GPR143: variants seen among roughly 807,000 people sequenced by gnomAD.
GPR143 encodes the protein G-protein coupled receptor 143.
A neutral mutation model predicts 27.6 loss-of-function variants in GPR143; 8 were observed. The ratio of observed to expected loss-of-function variants is 0.29; its 90% CI spans 0.17 to 0.52. GPR143 has a LOEUF of 0.52. Ranked by LOEUF, GPR143 falls within the 20% of genes least tolerant of loss-of-function variation. The probability of loss-of-function intolerance (pLI) is 0.96; values close to 1 mark genes in which losing one functional copy is unlikely to be tolerated. For synonymous variants in GPR143, 156 were observed against 153.2 expected (o/e 1.02, Z -0.13); for missense variants, 303 against 343.1 (o/e 0.88, Z 0.92).
chrX:9,753,948 C>G (rs907817285), intron 3 of GPR143, among the ~76,000 whole-genome samples: 2 of 111,743 alleles, frequency 1.8e-5, no homozygotes, highest in African/African-American at 6.5e-5. Flanking sequence ...CCATACACCC[C>G]ACCCCGTTTC....
At chrX:9,765,047 A>G in intron 1 of GPR143, among the ~76,000 whole-genome samples, 1 of 106,999 alleles carries the variant, frequency 9.3e-6, no homozygotes, top group Non-Finnish European at 1.9e-5. Flanking sequence ...AAAATTACCT[A>G]GTTGTCCCAT....
rs749479046 is a variant in GPR143, at chrX:9,741,246, G to A, written c.885+92C>T. 7 of 464,972 alleles carry A rather than the reference G, an allele frequency of 1.5e-5. No homozygotes were observed. In the South Asian group the frequency reaches 1.6e-4, roughly 11 times the overall value. The allele number at this position is 464,972 out of a possible 1,213,427, so 38.3% of individuals were successfully genotyped here. On this transcript the variant is annotated intron_variant, in intron 7 of 8. Transcript: ENST00000467482. ...TGCAGTGAGCTATGATCATGCCACC[G>A]CTTTCCAGCCTGGGTGACAGAGTGA...
intron 1 of GPR143, among the ~76,000 whole-genome samples, chrX:9,776,499 C>CTG (rs751346639): frequency 2.7e-5 from 3 of 109,761 alleles, no homozygotes; most frequent in Non-Finnish European, 5.7e-5. Flanking sequence ...CATCCTCCTG[C>CTG]CCCAGCCTCC....
intron 3 of GPR143, among the ~76,000 whole-genome samples, chrX:9,757,905 T>C (rs1445716571): frequency 9.1e-6 from 1 of 110,441 alleles, no homozygotes; most frequent in Non-Finnish European, 1.9e-5. Context: ...GGGACCACCG[T>C]TGCACCCCAC....
intron 1 of GPR143, among the ~76,000 whole-genome samples, chrX:9,774,476 A>T (rs1211371114): frequency 8.9e-6 from 1 of 112,565 alleles, no homozygotes; most frequent in African/African-American, 3.2e-5. Flanking sequence ...CAGCCAGTCC[A>T]GCCTGCCCCT....
Position 9,777,550 on chromosome X carries a change from C to T in GPR143, c.-3+8692G>A, listed in dbSNP as rs138213429. Among the ~76,000 whole-genome samples the T allele has an allele frequency of 5.0e-3, 553 of 111,183 alleles. 2 individuals are homozygous for T. The highest frequency in any genetic ancestry group is 0.014 in the Middle Eastern group (3 of 218). ...AGAGCAGGGATTGGTAAATTATGTC[C>T]ATCTGTTTCTCTAAATAAAGTTTTA... On this transcript the variant is annotated intron_variant, in intron 1 of 7. Transcript: ENST00000447366.
chrX:9,775,437 A>G (rs1310008909), intron 1 of GPR143, among the ~76,000 whole-genome samples: 3 of 111,920 alleles, frequency 2.7e-5, no homozygotes, highest in African/African-American at 9.7e-5. Flanking sequence ...CAGTGATATT[A>G]TATGATTGCC....
At chrX:9,746,188 A>C (rs2083427973) in intron 4 of GPR143, 35 bp from the exon 5 acceptor site, 1 of 909,488 alleles carries the variant, frequency 1.1e-6, no homozygotes, top group Non-Finnish European at 1.6e-6. Flanking sequence ...TCTTCTCAAA[A>C]GCAAAGTTTT....
At chrX:9,766,589 G>A (rs1032465653), upstream of GPR143, among the ~76,000 whole-genome samples, 2 of 111,697 alleles carry the variant, frequency 1.8e-5, no homozygotes, top group African/African-American at 6.5e-5. Flanking sequence ...AGCCCGGTGT[G>A]GTGGCCCAGG....
chrX:9,770,160 CAAAAAAAAAAAAAAAAA>C (rs55901901), upstream of GPR143, among the ~76,000 whole-genome samples: 2 of 26,825 alleles, frequency 7.5e-5, no homozygotes, highest in East Asian at 1.9e-3. Context: ...CTCCCCCAGT[CAAAAAAAAAAAAAAAAA>C]AAAAAAAAAA....
In GPR143 at chrX:9,760,783, A is replaced by G. The variant is rs1488111159; in HGVS notation, c.294T>C (p.Phe98=). The G allele has an allele frequency of 8.4e-7, 1 of 1,190,293 alleles. No homozygotes were observed. Among genetic ancestry groups the G allele is most frequent in the East Asian group, 3.0e-5 (1 of 33,690 alleles). ...RSTVWLGFPN[F]VDSVSDMNHT... ...GGTTCATATCCGAGACGCTGTCAAC[A>G]AAATTTGGGAATCCTAACCACACGG... The change falls in exon 2 of 9, where the codon TTT becomes TTC. Residue 98 remains phenylalanine, a synonymous_variant. Transcript: ENST00000467482.
chrX:9,752,429 A>T (rs1328423101), intron 3 of GPR143, among the ~76,000 whole-genome samples: 2 of 111,690 alleles, frequency 1.8e-5, no homozygotes, highest in Non-Finnish European at 3.8e-5. Flanking sequence ...CATTTCCCTA[A>T]AGATGTCCCT....
chrX:9,735,890 T>C (rs891073243), intron 8 of GPR143, among the ~76,000 whole-genome samples: 8 of 111,950 alleles, frequency 7.1e-5, no homozygotes, highest in African/African-American at 2.3e-4. Context: ...GTGCAGCCAA[T>C]AGGAAAGCAG....
chrX:9,770,972 A>C (rs1390440848), upstream of GPR143, among the ~76,000 whole-genome samples: 2 of 111,945 alleles, frequency 1.8e-5, no homozygotes, highest in African/African-American at 6.5e-5. Flanking sequence ...GTGTCCAATA[A>C]ATAAGGTAGT....
intron 8 of GPR143, among the ~76,000 whole-genome samples, chrX:9,728,871 C>CCA (rs1028867397): frequency 2.7e-5 from 3 of 109,677 alleles, no homozygotes; most frequent in Non-Finnish European, 3.8e-5. Context: ...ATGCACCTGC[C>CCA]CACACACACA....
At chrX:9,749,177 T>A (rs892102092) in intron 3 of GPR143, among the ~76,000 whole-genome samples, 1 of 111,358 alleles carries the variant, frequency 9.0e-6, no homozygotes, top group Admixed American at 9.5e-5. Context: ...GTTCTCGTGA[T>A]AGTGAGTGAG....
chrX:9,775,756 A>G (rs865965200), intron 1 of GPR143, among the ~76,000 whole-genome samples: 4 of 112,287 alleles, frequency 3.6e-5, no homozygotes, highest in Middle Eastern at 9.2e-3. Context: ...TCCACTTTTC[A>G]GAAGGCTGAG....
chrX:9,772,813 C>CAAA (rs57110568), intron 1 of GPR143, among the ~76,000 whole-genome samples: 15 of 49,777 alleles, frequency 3.0e-4, no homozygotes, highest in African/African-American at 6.8e-4. Context: ...GATCCTGTCT[C>CAAA]AAAAAAAAAA....
upstream of GPR143, among the ~76,000 whole-genome samples, chrX:9,771,043 C>G (rs1272326033): frequency 8.9e-6 from 1 of 111,844 alleles, no homozygotes; most frequent in African/African-American, 3.2e-5. Flanking sequence ...GTGATCCCAG[C>G]ACTTTGGGAG....
Sources: gnomAD v4.1 joint callset for allele counts (sites outside exome capture counted in the v4.1 genomes callset) on GRCh38, gnomAD v4.1.1 for gene constraint, MANE v1.5 for transcripts, NCBI Gene and HGNC (gene_info 2026-07-23, HGNC 2026-07-21) for gene names.